RAB28: variants seen among roughly 807,000 people sequenced by gnomAD.
RAB28 encodes the protein RAB28, member RAS oncogene family.
In RAB28, 24 loss-of-function variants were observed where a neutral mutation model predicts 31.7. That is an observed-to-expected ratio of 0.76 (90% CI 0.55 to 1.06). The LOEUF (loss-of-function observed/expected upper bound fraction) is 1.06, where lower values mean the gene tolerates loss of function less well. RAB28 is among the 50% of genes least tolerant of loss of function. The pLI, the probability that RAB28 is intolerant of heterozygous loss-of-function variation, is 0.00. For missense variants in RAB28, 254 were observed against 258.5 expected (o/e 0.98, Z 0.12); for synonymous variants, 100 against 90.4 (o/e 1.11, Z -0.60).
At chr4:13,444,190 G>A (rs980225688) in intron 4 of RAB28, among the ~76,000 whole-genome samples, 2 of 151,892 alleles carry the variant, frequency 1.3e-5, no homozygotes, top group Non-Finnish European at 2.9e-5. Context: ...ACCATGCCCA[G>A]CTAACTTTTT....
intron 4 of RAB28, among the ~76,000 whole-genome samples, chr4:13,390,043 G>A (rs1045846321): frequency 7.2e-5 from 11 of 152,148 alleles, no homozygotes; most frequent in Admixed American, 6.5e-4. Flanking sequence ...ACATAGTGTT[G>A]GAAGTTCCGG....
chr4:13,396,114 T>C (rs1729863879), intron 4 of RAB28, among the ~76,000 whole-genome samples: 1 of 152,018 alleles, frequency 6.6e-6, no homozygotes, highest in Admixed American at 6.5e-5. Flanking sequence ...AAAATGTCAC[T>C]GTCTAACTTA....
At chr4:13,473,888 A>G (rs1211600081) in intron 3 of RAB28, 1 of 357,600 alleles carries the variant, frequency 2.8e-6, no homozygotes. Context: ...AAAAGCTATC[A>G]ATATTCATTG....
At chr4:13,433,289 AAAAAC>A (rs1713917588) in intron 4 of RAB28, among the ~76,000 whole-genome samples, 1 of 152,112 alleles carries the variant, frequency 6.6e-6, no homozygotes, top group South Asian at 2.1e-4. Flanking sequence ...ATTGCAACAG[AAAAAC>A]AAAACTGGAC....
At chr4:13,400,809 T>C (rs959121031) in intron 4 of RAB28, among the ~76,000 whole-genome samples, 1 of 152,220 alleles carries the variant, frequency 6.6e-6, no homozygotes, top group Admixed American at 6.5e-5. Context: ...CAAATGCTTT[T>C]TATGTTTCTG....
intron 4 of RAB28, among the ~76,000 whole-genome samples, chr4:13,392,865 G>C (rs1245958128): frequency 6.6e-6 from 1 of 152,200 alleles, no homozygotes; most frequent in East Asian, 1.9e-4. Context: ...AATAAATATA[G>C]TGAGTGTTCT....
At chr4:13,390,862 G>C (rs1187364822) in intron 4 of RAB28, among the ~76,000 whole-genome samples, 12 of 152,016 alleles carry the variant, frequency 7.9e-5, no homozygotes, top group Admixed American at 1.3e-4. Flanking sequence ...ATCTAGAAAG[G>C]TGAAACTGGA....
chr4:13,427,081 T>C (rs1388743861), intron 4 of RAB28, among the ~76,000 whole-genome samples: 10 of 152,180 alleles, frequency 6.6e-5, no homozygotes, highest in African/African-American at 2.4e-4. Flanking sequence ...GAATTCCCCA[T>C]AGACCTGATA....
At chr4:13,445,320 A>G (rs1714639040) in intron 4 of RAB28, among the ~76,000 whole-genome samples, 1 of 152,028 alleles carries the variant, frequency 6.6e-6, no homozygotes. Context: ...ATTGGGTTAT[A>G]GCTCAGCGAA....
At chr4:13,461,611 A>C (rs557667702) in intron 3 of RAB28, among the ~76,000 whole-genome samples, 1 of 152,198 alleles carries the variant, frequency 6.6e-6, no homozygotes, top group Admixed American at 6.5e-5. Flanking sequence ...AGCAATGCCA[A>C]ATACAACAGA....
intron 3 of RAB28, among the ~76,000 whole-genome samples, chr4:13,466,714 A>G (rs1715861951): frequency 6.6e-6 from 1 of 152,074 alleles, no homozygotes; most frequent in South Asian, 2.1e-4. Flanking sequence ...TCAGTTTGTC[A>G]AAGAGGTTTT....
chr4:13,396,686 TA>T (rs1729886006), intron 4 of RAB28, among the ~76,000 whole-genome samples: 1 of 152,058 alleles, frequency 6.6e-6, no homozygotes, highest in South Asian at 2.1e-4. Context: ...CAATGCAGTT[TA>T]AAAATTTTCC....
chr4:13,466,181 A>C (rs538236029), intron 3 of RAB28, among the ~76,000 whole-genome samples: 1 of 152,036 alleles, frequency 6.6e-6, no homozygotes, highest in South Asian at 2.1e-4. Context: ...TTTGAATTTG[A>C]CTCCAAAACC....
intron 4 of RAB28, among the ~76,000 whole-genome samples, chr4:13,455,727 T>C (rs1715265878): frequency 1.3e-5 from 2 of 152,164 alleles, no homozygotes; most frequent in African/African-American, 4.8e-5. Flanking sequence ...GCAAGAACTG[T>C]GGGATTCTCC....
At chr4:13,408,646 G>C (rs1712243056) in intron 4 of RAB28, among the ~76,000 whole-genome samples, 1 of 152,108 alleles carries the variant, frequency 6.6e-6, no homozygotes, top group East Asian at 1.9e-4. Flanking sequence ...GGAAAAAATT[G>C]CATGTGCAAA....
chr4:13,368,489 C>T lies in RAB28; in HGVS notation c.*69G>A, dbSNP rs1021942210. 3 of 1,525,274 alleles carry T rather than the reference C, an allele frequency of 2.0e-6. No homozygotes were observed. The highest frequency in any genetic ancestry group is 1.4e-5 in the African/African-American group (1 of 69,624). The allele number at this position is 1,525,274 out of a possible 1,614,324, so 94.5% of individuals were successfully genotyped here. On this transcript the variant is annotated 3_prime_UTR_variant, in exon 7 of 7. Transcript: ENST00000330852. Reference sequence around the variant, plus strand: ...GAGATGGTCACTGATAAAACAAGTTCCTAGAAGTCCTCGGGCCCACCCAGA... The same window carrying T: ...GAGATGGTCACTGATAAAACAAGTTTCTAGAAGTCCTCGGGCCCACCCAGA...
chr4:13,463,494 AC>A (rs1333376313), intron 3 of RAB28, among the ~76,000 whole-genome samples: 2 of 152,190 alleles, frequency 1.3e-5, no homozygotes, highest in Non-Finnish European at 2.9e-5. Context: ...CTTTTGTGCT[AC>A]AACTGCAGAG....
intron 2 of RAB28, among the ~76,000 whole-genome samples, chr4:13,478,263 A>C (rs1269940427): frequency 6.6e-6 from 1 of 151,704 alleles, no homozygotes; most frequent in African/African-American, 2.4e-5. Context: ...TACAAATGAA[A>C]CAAAGTACGC....
At chr4:13,484,015 G>A (rs71609129) in intron 1 of RAB28, 61 bp downstream of exon 1, 2 of 1,468,050 alleles carry the variant, frequency 1.4e-6, no homozygotes, top group Non-Finnish European at 1.9e-6. Flanking sequence ...CGGCGGGGAG[G>A]AGGCCGGGGA....
Sources: allele counts gnomAD v4.1 joint callset (sites outside exome capture counted in the v4.1 genomes callset), GRCh38; gene constraint gnomAD v4.1.1; transcripts MANE v1.5; gene names NCBI Gene and HGNC (gene_info 2026-07-23, HGNC 2026-07-21).